The following AUH variants were observed in gnomAD, a reference collection of about 807,000 sequenced individuals.
AUH encodes the protein AU RNA binding methylglutaconyl-CoA hydratase.
AUH carries 29 observed loss-of-function variants against 42.3 expected under a neutral mutation model. The observed-to-expected ratio is 0.69, with a 90% CI of 0.51 to 0.93. The LOEUF is 0.93. Ranked by LOEUF, AUH falls within the 40% of genes least tolerant of loss-of-function variation. The pLI is 0.00. For synonymous variants in AUH, 174 were observed against 166.4 expected (o/e 1.05, Z -0.35); for missense variants, 452 against 438.1 (o/e 1.03, Z -0.28).
At chr9:91,295,992 T>C in intron 6 of AUH, 29 bp downstream of exon 6, 1 of 1,613,040 alleles carries the variant, frequency 6.2e-7, no homozygotes, top group Non-Finnish European at 8.5e-7. Flanking sequence ...AAATCAAGGA[T>C]TTGAGGAATG....
intron 6 of AUH, among the ~76,000 whole-genome samples, chr9:91,271,990 C>T (rs1825173899): frequency 6.6e-6 from 1 of 152,146 alleles, no homozygotes; most frequent in South Asian, 2.1e-4. Flanking sequence ...CCTAAATATG[C>T]TTCTAATTTT....
chr9:91,304,404 G>A (rs191136249), intron 4 of AUH, among the ~76,000 whole-genome samples: 4 of 152,260 alleles, frequency 2.6e-5, no homozygotes, highest in Admixed American at 6.5e-5. Context: ...AGGCATGTGG[G>A]CAACATGGAA....
rs1218454957 is a variant in AUH at position 91,296,211 on chromosome 9, C to T, written c.599-134G>A. On this transcript the variant is annotated intron_variant, in intron 5 of 9. Coordinates refer to ENST00000375731, the MANE Select transcript of AUH (RefSeq NM_001698.3). ...TATCACAAATTCTTAAAAAAAATCA[C>T]TTAAAAGGCATTGTTATGGAAATAA... 3.6e-6 allele frequency: 3 copies of T among 832,108 alleles called. 1 individual carries two copies. Among genetic ancestry groups the T allele is most frequent in the East Asian group, 7.6e-5 (2 of 26,186 alleles). The allele number at this position is 832,108 out of a possible 1,614,324, so 51.5% of individuals were successfully genotyped here. A position where few individuals can be genotyped will look rare whatever the true frequency, so the allele number is the denominator to read the frequency against.
At chr9:91,244,577 A>G (rs1262425680) in intron 6 of AUH, among the ~76,000 whole-genome samples, 3 of 152,154 alleles carry the variant, frequency 2.0e-5, no homozygotes, top group African/African-American at 7.2e-5. Context: ...CTTCCCATCC[A>G]CATCTCCCAA....
intron 6 of AUH, among the ~76,000 whole-genome samples, chr9:91,281,227 G>T (rs1263511508): frequency 6.6e-6 from 1 of 152,016 alleles, no homozygotes; most frequent in African/African-American, 2.4e-5. Context: ...TTTCTCTGTT[G>T]TTCAGACTGA....
intron 6 of AUH, among the ~76,000 whole-genome samples, chr9:91,291,178 C>G (rs1303767444): frequency 6.6e-6 from 1 of 152,184 alleles, no homozygotes; most frequent in East Asian, 1.9e-4. Flanking sequence ...GTGCCTTCCT[C>G]TTTCTTATAA....
chr9:91,306,508 T>C, intron 4 of AUH: 1 of 306,366 alleles, frequency 3.3e-6, no homozygotes, highest in Non-Finnish European at 4.8e-6. Flanking sequence ...TTGCCTTGCT[T>C]CATAAACTCT....
At chr9:91,280,570 A>T (rs1403673531) in intron 6 of AUH, among the ~76,000 whole-genome samples, 1 of 152,158 alleles carries the variant, frequency 6.6e-6, no homozygotes, top group Non-Finnish European at 1.5e-5. Flanking sequence ...TGAACACATA[A>T]ATAAAGCTAA....
intron 6 of AUH, among the ~76,000 whole-genome samples, chr9:91,241,391 T>C (rs2131340724): frequency 6.6e-6 from 1 of 152,252 alleles, no homozygotes; most frequent in African/African-American, 2.4e-5. Flanking sequence ...ATAGACAATA[T>C]GTTATATATT....
intron 8 of AUH, 33 bp from the exon 9 acceptor site, chr9:91,216,139 A>C: frequency 6.2e-7 from 1 of 1,600,064 alleles, no homozygotes; most frequent in African/African-American, 1.3e-5. Context: ...TTTCAGCAGA[A>C]ATAACTTTGC....
intron 6 of AUH, among the ~76,000 whole-genome samples, chr9:91,247,436 C>A (rs912072908): frequency 1.1e-4 from 17 of 152,150 alleles, no homozygotes; most frequent in Admixed American, 1.0e-3. Flanking sequence ...CACAGCTGCA[C>A]GCCTACAGTA....
intron 6 of AUH, among the ~76,000 whole-genome samples, chr9:91,291,069 C>T (rs1472886269): frequency 6.6e-6 from 1 of 152,150 alleles, no homozygotes. Flanking sequence ...TGCCTCTCAC[C>T]CATGGCTTCC....
At chr9:91,322,024 C>T (rs1239344517) in intron 4 of AUH, among the ~76,000 whole-genome samples, 2 of 152,148 alleles carry the variant, frequency 1.3e-5, no homozygotes, top group African/African-American at 2.4e-5. Flanking sequence ...TATTAAGATA[C>T]TTAGTTTCCA....
chr9:91,244,674 T>C (rs546754309), intron 6 of AUH, among the ~76,000 whole-genome samples: 10 of 152,310 alleles, frequency 6.6e-5, no homozygotes, highest in African/African-American at 2.4e-4. Flanking sequence ...CTGAGGGTTC[T>C]AAACCCACAA....
At chr9:91,237,850 C>T (rs1051503584) in intron 6 of AUH, among the ~76,000 whole-genome samples, 5 of 152,112 alleles carry the variant, frequency 3.3e-5, no homozygotes, top group East Asian at 1.9e-4. Flanking sequence ...TTAAATGTAA[C>T]GCTTTTGCTC....
In AUH at chr9:91,355,953, A is replaced by C. The variant is rs201180747; in HGVS notation, c.348T>G (p.Asp116Glu). The change falls in exon 3 of 10, where the codon GAT (aspartate) becomes GAG (glutamate). Residue 116 changes from aspartate to glutamate, a missense_variant. Transcript: ENST00000375731. ...NLIKMLSKAV[D>E]ALKSDKKVRT... ...GTACTTTCTTATCAGATTTCAAAGC[A>C]TCCACAGCTTTTGATAGCTAAACAG... 2.5e-6 allele frequency: 4 copies of C among 1,613,662 alleles called. No individual in the cohort carries two copies. Among genetic ancestry groups the C allele is most frequent in the Non-Finnish European group, 2.5e-6 (3 of 1,179,676 alleles).
intron 3 of AUH, among the ~76,000 whole-genome samples, chr9:91,329,995 T>C (rs1360870811): frequency 6.6e-6 from 1 of 151,948 alleles, no homozygotes; most frequent in Non-Finnish European, 1.5e-5. Context: ...TACTAGCGAG[T>C]GTGATAAGAC....
chr9:91,226,201 C>A (rs1827464573), intron 6 of AUH, among the ~76,000 whole-genome samples: 1 of 151,576 alleles, frequency 6.6e-6, no homozygotes, highest in Non-Finnish European at 1.5e-5. Context: ...TCCACATCCT[C>A]TCCAGCACCT....
chr9:91,256,913 G>A (rs7871207), intron 6 of AUH, among the ~76,000 whole-genome samples: 3,971 of 152,044 alleles, frequency 0.026, 87 homozygotes, highest in East Asian at 0.057. Context: ...ATTATTCAGC[G>A]GACAAAAATA....
Sources: gnomAD v4.1 joint callset for allele counts (sites outside exome capture counted in the v4.1 genomes callset) on GRCh38, gnomAD v4.1.1 for gene constraint, MANE v1.5 for transcripts, NCBI Gene and HGNC (gene_info 2026-07-23, HGNC 2026-07-21) for gene names.